Variants in FGD4 observed in about 807,000 individuals in gnomAD.
FGD4 encodes FYVE, RhoGEF and PH domain containing 4, also known as FYVE, RhoGEF and PH domain-containing protein 4.
FGD4 carries 42 observed loss-of-function variants against 102.0 expected under a neutral mutation model. The ratio of observed to expected loss-of-function variants is 0.41; its 90% CI spans 0.32 to 0.53. FGD4 has a LOEUF of 0.53. Among genes scored for constraint, FGD4 ranks in the 20% least tolerant of loss-of-function variants. FGD4 has a pLI of 0.21. For missense variants in FGD4, 902 were observed against 1,078.2 expected, an observed-to-expected ratio of 0.84 and a Z score of 2.29; for synonymous variants, 380 against 375.7, an observed-to-expected ratio of 1.01 and a Z score of -0.13.
At chr12:32,464,396 G>GC (rs112113992) in intron 1 of FGD4, among the ~76,000 whole-genome samples, 20,495 of 151,996 alleles carry the variant, frequency 0.13, 1,474 homozygotes, top group Non-Finnish European at 0.18. Context: ...CCAGCAATCC[G>GC]CCCACCTCGG....
chr12:32,506,304 C>T lies in FGD4; in HGVS notation c.167-57833C>T, dbSNP rs1272363125. 6.8e-6 allele frequency among the ~76,000 whole-genome samples: 1 copy of T among 147,116 alleles called. No homozygotes were observed. Among genetic ancestry groups the T allele is most frequent in the African/African-American group, 2.7e-5 (1 of 37,634 alleles). The stretch of plus-strand genomic sequence containing the variant: ...AGAAACAGTTTGTCATTATAAATAC[C>T]AAGCTTTTAAAAAACATTAACTGCC... On this transcript the variant is annotated intron_variant, in intron 1 of 16. Transcript: ENST00000534526. The surrounding 1 kb of genome is among the most constrained non-coding windows in gnomAD (Gnocchi z 4.5).
In FGD4 at chr12:32,399,848, A is replaced by T; in HGVS notation, c.55A>T (p.Asn19Tyr). ...GCGGGTGGCGATCCGGCGGAAGTCCAACCCCTCCTACCTGCCGCCCGGGGT... is the reference window on the plus strand; with the variant it reads ...GCGGGTGGCGATCCGGCGGAAGTCCTACCCCTCCTACCTGCCGCCCGGGGT... ...FRRVAIRRKS[N>Y]PSYLPPGVPR... is the part of the protein sequence containing the mutation. Residue 19 changes from asparagine to tyrosine, a missense_variant, in exon 1 of 17, where the codon AAC becomes TAC. By Grantham distance (143) the Asn-to-Tyr change is moderately radical. Transcript: ENST00000534526. 3.9e-6 allele frequency: 6 copies of T among 1,531,606 alleles called. No individual in the cohort carries two copies. The highest frequency in any genetic ancestry group is 5.2e-6 in the Non-Finnish European group (6 of 1,145,358). The allele number at this position is 1,531,606 out of a possible 1,614,324, so 94.9% of individuals were successfully genotyped here. A position where few individuals can be genotyped will look rare whatever the true frequency, so the allele number is the denominator to read the frequency against.
intron 15 of FGD4, 119 bp downstream of exon 15, chr12:32,633,808 C>T: frequency 1.1e-6 from 1 of 924,164 alleles, no homozygotes; most frequent in Middle Eastern, 3.6e-4. Context: ...CTCAGCCTCC[C>T]AAGTTGCTGG....
chr12:32,569,961 A>G (rs1485761606), intron 2 of FGD4, among the ~76,000 whole-genome samples: 1 of 152,090 alleles, frequency 6.6e-6, no homozygotes, highest in Admixed American at 6.5e-5. Flanking sequence ...ATTCTGGTCA[A>G]GCTGGGCGTG....
intron 1 of FGD4, among the ~76,000 whole-genome samples, chr12:32,463,128 G>A (rs777771720): frequency 2.6e-5 from 4 of 152,214 alleles, no homozygotes; most frequent in Non-Finnish European, 5.9e-5. Context: ...GTGCCTTCTT[G>A]TTTATAACTT....
At chr12:32,439,615 T>C (rs1942359334) in intron 1 of FGD4, among the ~76,000 whole-genome samples, 1 of 152,238 alleles carries the variant, frequency 6.6e-6, no homozygotes. Context: ...CTCTTTGTCC[T>C]TGACCCTTGG....
At chr12:32,566,031 GGGTAGCTTATAAACA>G (rs1945163073) in intron 2 of FGD4, among the ~76,000 whole-genome samples, 2 of 152,122 alleles carry the variant, frequency 1.3e-5, no homozygotes, top group Non-Finnish European at 2.9e-5. Flanking sequence ...ACCATAAATT[GGGTAGCTTATAAACA>G]ATAGAAATGT....
intron 1 of FGD4, among the ~76,000 whole-genome samples, chr12:32,507,640 A>G (rs1477214881): frequency 6.6e-6 from 1 of 152,196 alleles, no homozygotes; most frequent in Admixed American, 6.5e-5. Flanking sequence ...AGAGCATGGG[A>G]ACGCATTTAC....
chr12:32,493,821 A>G (rs1937622406), intron 1 of FGD4, among the ~76,000 whole-genome samples: 1 of 152,242 alleles, frequency 6.6e-6, no homozygotes, highest in Non-Finnish European at 1.5e-5. Flanking sequence ...TTAAACAACA[A>G]ACAAGCCATT....
intron 1 of FGD4, among the ~76,000 whole-genome samples, chr12:32,450,731 G>GTC (rs367646173): frequency 2.6e-5 from 4 of 152,122 alleles, no homozygotes; most frequent in African/African-American, 4.8e-5. Context: ...TTTACATGTT[G>GTC]TCTCTCTCTC....
Position 32,576,297 on chromosome 12 carries a change from A to T in FGD4, c.351A>T (p.Ser117=). The T allele has an allele frequency of 6.2e-7, 1 of 1,610,566 alleles. No individual in the cohort carries two copies. Among genetic ancestry groups the T allele is most frequent in the Non-Finnish European group, 8.5e-7 (1 of 1,178,066 alleles). ...CAAAGCCATTACACCTGCAGAATTCACCTTCGTCCAATATACACCAAACCC... is the reference window on the plus strand; with the variant it reads ...CAAAGCCATTACACCTGCAGAATTCTCCTTCGTCCAATATACACCAAACCC... ...VPPKPLHLQN[S]PSSNIHQTPR... is the part of the protein sequence containing the mutation. Residue 117 remains serine, a synonymous_variant, in exon 3 of 17, where the codon TCA becomes TCT. Coordinates refer to ENST00000534526, the MANE Select transcript of FGD4 (RefSeq NM_001370298.3).
chr12:32,495,481 G>A (rs949669269), intron 1 of FGD4, among the ~76,000 whole-genome samples: 1 of 152,066 alleles, frequency 6.6e-6, no homozygotes, highest in Non-Finnish European at 1.5e-5. Context: ...CAGATCACGA[G>A]GTCAGGAGAT....
chr12:32,467,333 G>A (rs1347559218), intron 1 of FGD4, among the ~76,000 whole-genome samples: 1 of 152,208 alleles, frequency 6.6e-6, no homozygotes, highest in African/African-American at 2.4e-5. Flanking sequence ...TTCTAAGGGA[G>A]AGTGGCTTGT....
chr12:32,435,924 A>C (rs1481635568), intron 1 of FGD4, among the ~76,000 whole-genome samples: 7 of 152,254 alleles, frequency 4.6e-5, no homozygotes, highest in Non-Finnish European at 8.8e-5. Flanking sequence ...TTTCGTGTTC[A>C]AAGAATAAAT....
chr12:32,457,212 G>C (rs1203411299), intron 1 of FGD4, among the ~76,000 whole-genome samples: 1 of 151,848 alleles, frequency 6.6e-6, no homozygotes, highest in Non-Finnish European at 1.5e-5. Flanking sequence ...AAACAGTGAA[G>C]TTTTAAGTAT....
intron 1 of FGD4, among the ~76,000 whole-genome samples, chr12:32,476,796 C>T (rs537533118): frequency 7.6e-4 from 115 of 152,258 alleles, no homozygotes; most frequent in African/African-American, 2.8e-3. Context: ...GTCTTTTCTG[C>T]TGGACAAAGC....
intron 4 of FGD4, among the ~76,000 whole-genome samples, chr12:32,589,844 C>T (rs970634275): frequency 1.7e-5 from 2 of 119,052 alleles, no homozygotes; most frequent in African/African-American, 8.7e-5. Flanking sequence ...GCCATTAACT[C>T]TCACTCATTG....
rs187012686 is a variant in FGD4, at chr12:32,638,766, C to G, written c.2425C>G (p.Leu809Val). ...AWCVIPKQDP[L>V]VLYMYGAPQD... Reference sequence around the variant, plus strand: ...GTGTGTGATCCCCAAGCAAGACCCTCTTGTGCTGTACATGTATGGTGCCCC... The same window carrying G: ...GTGTGTGATCCCCAAGCAAGACCCTGTTGTGCTGTACATGTATGGTGCCCC... Residue 809 changes from leucine (L) to valine (V), a missense_variant, in exon 16 of 17, where the codon CTT becomes GTT. By Grantham distance (32) the Leu-to-Val change is conservative (BLOSUM62 1). Around this residue, in one of 2 missense-constraint regions of FGD4, gnomAD observed 459 missense variants for 619.0 expected, o/e 0.74. Coordinates refer to ENST00000534526, the MANE Select transcript of FGD4 (RefSeq NM_001370298.3). 33 of 1,614,180 alleles carry G rather than the reference C, an allele frequency of 2.0e-5. No homozygotes were observed. In the Admixed American group the frequency reaches 3.0e-4, roughly 15 times the overall value.
intron 1 of FGD4, among the ~76,000 whole-genome samples, chr12:32,469,710 A>C (rs1176680237): frequency 2.6e-5 from 4 of 151,038 alleles, no homozygotes; most frequent in African/African-American, 9.8e-5. Context: ...CCCAGGCTGG[A>C]GTGCAATGGC....
Sources: allele counts gnomAD v4.1 joint callset (sites outside exome capture counted in the v4.1 genomes callset), GRCh38; gene constraint gnomAD v4.1.1; regional missense constraint gnomAD v4.1.1; non-coding constraint Gnocchi (gnomAD v3.1); transcripts MANE v1.5; gene names NCBI Gene and HGNC (gene_info 2026-07-23, HGNC 2026-07-21).